The following ARSB variants were observed in gnomAD, a reference collection of about 807,000 sequenced individuals.
ARSB encodes arylsulfatase B.
Under a neutral mutation model 50.9 loss-of-function variants are expected in ARSB, and 41 were observed. The ratio of observed to expected loss-of-function variants is 0.81; its 90% CI spans 0.63 to 1.04. The LOEUF is 1.04. ARSB is among the 50% of genes least tolerant of loss of function. The probability of loss-of-function intolerance (pLI) is 0.00; values close to 1 mark genes in which losing one functional copy is unlikely to be tolerated. For synonymous variants in ARSB, 269 were observed against 284.8 expected (o/e 0.94, Z 0.56); for missense variants, 672 against 693.3 (o/e 0.97, Z 0.35).
At chr5:78,888,192 C>A (rs1186726375) in intron 4 of ARSB, among the ~76,000 whole-genome samples, 1 of 152,200 alleles carries the variant, frequency 6.6e-6, no homozygotes, top group Non-Finnish European at 1.5e-5. Flanking sequence ...CACTTCTTGA[C>A]AAAAACTCAA....
intron 3 of ARSB, among the ~76,000 whole-genome samples, chr5:78,963,610 T>C (rs1472233983): frequency 6.6e-6 from 1 of 152,204 alleles, no homozygotes; most frequent in African/African-American, 2.4e-5. Context: ...CCAGAGAACT[T>C]AGCTTAAACT....
At chr5:78,886,158 T>C (rs1748023675) in intron 4 of ARSB, among the ~76,000 whole-genome samples, 2 of 152,164 alleles carry the variant, frequency 1.3e-5, no homozygotes, top group African/African-American at 4.8e-5. Flanking sequence ...TAACTTTGTA[T>C]AGCATGGGAG....
intron 5 of ARSB, among the ~76,000 whole-genome samples, chr5:78,849,580 T>C (rs1011060438): frequency 8.1e-4 from 124 of 152,202 alleles, no homozygotes; most frequent in African/African-American, 2.7e-3. Flanking sequence ...AACTTTAGTT[T>C]TTTCCAATTC....
intron 6 of ARSB, among the ~76,000 whole-genome samples, chr5:78,786,974 T>G (rs1749096283): frequency 6.6e-6 from 1 of 152,140 alleles, no homozygotes. Flanking sequence ...GAGTATTTTT[T>G]TCCTCTTTAA....
At chr5:78,782,035 A>G in intron 6 of ARSB, 61 bp from the exon 7 acceptor site, 2 of 1,604,648 alleles carry the variant, frequency 1.2e-6, no homozygotes. Context: ...GTTATAAATC[A>G]GCATTTTATA....
At position 78,780,247 on chromosome 5, in the gene ARSB, T is replaced by C; in HGVS notation, c.*150A>G. The C allele has an allele frequency of 1.0e-6, 1 of 969,452 alleles. No individual in the cohort carries two copies. The highest frequency in any genetic ancestry group is 1.4e-5 in the South Asian group (1 of 69,452). The allele number at this position is 969,452 out of a possible 1,614,324, so 60.1% of individuals were successfully genotyped here. A position where few individuals can be genotyped will look rare whatever the true frequency, so the allele number is the denominator to read the frequency against. ...AGATTTTATCAGCTTCTTAAATGCA[T>C]TAGGGGTTGAAATTAGACACCTCGG... is the stretch of plus-strand genomic sequence containing the variant. On this transcript the variant is annotated 3_prime_UTR_variant, in exon 8 of 8. Transcript: ENST00000264914.
At chr5:78,788,440 T>A (rs1359929301) in intron 6 of ARSB, among the ~76,000 whole-genome samples, 1 of 152,172 alleles carries the variant, frequency 6.6e-6, no homozygotes, top group Non-Finnish European at 1.5e-5. Context: ...CCAAAGTAGG[T>A]TCTGGAAGTA....
At chr5:78,858,964 G>C (rs1322314294) in intron 5 of ARSB, among the ~76,000 whole-genome samples, 1 of 152,146 alleles carries the variant, frequency 6.6e-6, no homozygotes, top group Non-Finnish European at 1.5e-5. Context: ...TTTTACACAA[G>C]GAAATCAATG....
rs374610893 is a variant in ARSB at position 78,873,684 on chromosome 5, A to C, written c.1142+11900T>G. On this transcript the variant is annotated intron_variant, in intron 5 of 7. Coordinates refer to ENST00000264914, the MANE Select transcript of ARSB (RefSeq NM_000046.5). ...CTAATTTTTTGTATTTTTAGTAGAGACGGGGTTTCACCGTTTTAGCCGGGA... is the reference window on the plus strand; with the variant it reads ...CTAATTTTTTGTATTTTTAGTAGAGCCGGGGTTTCACCGTTTTAGCCGGGA... 4.5e-4 allele frequency among the ~76,000 whole-genome samples: 68 copies of C among 150,596 alleles called. 1 individual carries two copies. The East Asian group carries it at 0.013, about 28-fold the overall frequency.
intron 5 of ARSB, among the ~76,000 whole-genome samples, chr5:78,869,994 C>T (rs1464299401): frequency 1.1e-4 from 16 of 143,606 alleles, no homozygotes; most frequent in African/African-American, 4.0e-4. Flanking sequence ...CACCACCGAT[C>T]CCACAGAAAT....
At chr5:78,819,211 A>G (rs1172546274) in intron 6 of ARSB, among the ~76,000 whole-genome samples, 1 of 152,160 alleles carries the variant, frequency 6.6e-6, no homozygotes, top group South Asian at 2.1e-4. Context: ...TGGTCCTACC[A>G]TCATGAGGAG....
chr5:78,888,185 T>G (rs903297420), intron 4 of ARSB, among the ~76,000 whole-genome samples: 1 of 152,222 alleles, frequency 6.6e-6, no homozygotes, highest in African/African-American at 2.4e-5. Flanking sequence ...CCCACATCAC[T>G]TCTTGACAAA....
intron 6 of ARSB, among the ~76,000 whole-genome samples, chr5:78,794,957 TTCATAAC>T (rs1743126599): frequency 6.6e-6 from 1 of 152,196 alleles, no homozygotes; most frequent in Non-Finnish European, 1.5e-5. Context: ...GCTCTCCTAC[TTCATAAC>T]TCTGTAACCA....
chr5:78,954,658 C>T (rs1017000197), intron 4 of ARSB, among the ~76,000 whole-genome samples: 1 of 152,080 alleles, frequency 6.6e-6, no homozygotes, highest in Non-Finnish European at 1.5e-5. Context: ...GCACTCGCCA[C>T]CATGCCCGGC....
intron 1 of ARSB, among the ~76,000 whole-genome samples, chr5:78,977,444 A>G (rs1299295174): frequency 2.0e-5 from 3 of 152,038 alleles, no homozygotes; most frequent in Non-Finnish European, 2.9e-5. Flanking sequence ...GTGAGCCACC[A>G]CGCCTGGCCT....
chr5:78,800,919 CA>C (rs1743370939), intron 6 of ARSB, among the ~76,000 whole-genome samples: 1 of 152,114 alleles, frequency 6.6e-6, no homozygotes, highest in African/African-American at 2.4e-5. Context: ...GGAGGATGAG[CA>C]GGAACAGGAC....
intron 6 of ARSB, among the ~76,000 whole-genome samples, chr5:78,807,144 A>G (rs2112653808): frequency 6.6e-6 from 1 of 152,308 alleles, no homozygotes; most frequent in Admixed American, 6.5e-5. Context: ...CCAAGAAAAA[A>G]ATCCACTCTG....
At chr5:78,807,749 G>T (rs188791709) in intron 6 of ARSB, among the ~76,000 whole-genome samples, 7 of 152,276 alleles carry the variant, frequency 4.6e-5, no homozygotes, top group African/African-American at 1.7e-4. Context: ...GCAAATCCAA[G>T]AAACGAGGGG....
At chr5:78,950,598 G>C (rs1166416586) in intron 4 of ARSB, among the ~76,000 whole-genome samples, 1 of 152,172 alleles carries the variant, frequency 6.6e-6, no homozygotes, top group Non-Finnish European at 1.5e-5. Context: ...GGAAGAGTCT[G>C]GGGTTCTTTT....
Sources: allele counts gnomAD v4.1 joint callset (sites outside exome capture counted in the v4.1 genomes callset), GRCh38; gene constraint gnomAD v4.1.1; transcripts MANE v1.5; gene names NCBI Gene and HGNC (gene_info 2026-07-23, HGNC 2026-07-21).